PLA2G4A: variants seen among roughly 807,000 people sequenced by gnomAD.
PLA2G4A encodes phospholipase A2 group IVA, also known as cytosolic phospholipase A2.
PLA2G4A carries 40 observed loss-of-function variants against 81.9 expected under a neutral mutation model. The observed-to-expected ratio is 0.49, with a 90% CI of 0.38 to 0.64. The LOEUF (loss-of-function observed/expected upper bound fraction) is 0.64. PLA2G4A is among the 30% of genes least tolerant of loss of function. PLA2G4A has a pLI of 0.00. For synonymous variants in PLA2G4A, 302 were observed against 296.9 expected, an observed-to-expected ratio of 1.02 and a Z score of -0.18; for missense variants, 715 against 905.1, an observed-to-expected ratio of 0.79 and a Z score of 2.69.
At chr1:186,876,928 T>A (rs1653523146) in intron 3 of PLA2G4A, among the ~76,000 whole-genome samples, 2 of 152,110 alleles carry the variant, frequency 1.3e-5, no homozygotes, top group African/African-American at 4.8e-5. Context: ...ACCTGCTTAA[T>A]CCTCTTCAGA....
chr1:186,961,282 A>G (rs564466572), intron 14 of PLA2G4A, among the ~76,000 whole-genome samples: 3 of 152,288 alleles, frequency 2.0e-5, no homozygotes, highest in Non-Finnish European at 4.4e-5. Flanking sequence ...ATTGCACAGC[A>G]TGGTGCCTGC....
intron 14 of PLA2G4A, among the ~76,000 whole-genome samples, chr1:186,957,002 A>C (rs1470629204): frequency 6.6e-6 from 1 of 152,000 alleles, no homozygotes; most frequent in East Asian, 1.9e-4. Flanking sequence ...CAGCCTGGAC[A>C]ACATGGTGAA....
intron 3 of PLA2G4A, among the ~76,000 whole-genome samples, chr1:186,874,049 G>T (rs1006838046): frequency 3.9e-5 from 6 of 152,020 alleles, no homozygotes; most frequent in African/African-American, 1.4e-4. Context: ...GCACTAATTT[G>T]GCAATATTAA....
At chr1:186,925,136 C>G (rs1655503243) in intron 7 of PLA2G4A, among the ~76,000 whole-genome samples, 1 of 152,148 alleles carries the variant, frequency 6.6e-6, no homozygotes, top group East Asian at 1.9e-4. Context: ...GTATCAACAA[C>G]TTAGAACCTC....
chr1:186,946,950 A>G lies in PLA2G4A; in HGVS notation c.1253A>G (p.Glu418Gly). ...SGSQSRGSTM[E>G]EELENITTKH... The stretch of plus-strand genomic sequence containing the variant: ...TCACAAAGCAGAGGCTCCACAATGG[A>G]GGAAGAATTAGGTATCCTAAAGATA... Residue 418 changes from glutamate (E) to glycine (G), a missense_variant, in exon 12 of 18, where the codon GAG (glutamate) becomes GGG (glycine). Transcript: ENST00000367466. 6.4e-7 allele frequency: 1 copy of G among 1,574,416 alleles called. No individual in the cohort carries two copies. The highest frequency in any genetic ancestry group is 8.7e-7 in the Non-Finnish European group (1 of 1,143,920).
At chr1:186,874,104 A>G (rs1479465358) in intron 3 of PLA2G4A, among the ~76,000 whole-genome samples, 1 of 152,124 alleles carries the variant, frequency 6.6e-6, no homozygotes, top group Non-Finnish European at 1.5e-5. Context: ...TGTAGATGTG[A>G]TATGTAACAA....
intron 14 of PLA2G4A, among the ~76,000 whole-genome samples, chr1:186,960,437 C>T (rs1274437689): frequency 6.6e-6 from 1 of 152,156 alleles, no homozygotes; most frequent in Non-Finnish European, 1.5e-5. Flanking sequence ...TTAATTCATT[C>T]ACACGTTTAG....
chr1:186,988,665 T>C lies in PLA2G4A; in HGVS notation c.*157T>C, dbSNP rs1311694626. 3.2e-6 allele frequency: 2 copies of C among 625,314 alleles called. No individual in the cohort carries two copies. The highest frequency in any genetic ancestry group is 5.9e-6 in the Non-Finnish European group (2 of 341,260). 38.7% of individuals were successfully genotyped at this position (625,314 alleles called of 1,614,324 possible). ...ACTTAGCTGCATGAGAATAATACTA[T>C]TATAAGTTAGGTTGACAAATGATGT... On this transcript the variant is annotated 3_prime_UTR_variant, in exon 18 of 18. Transcript: ENST00000367466.
rs1233169150 is a variant in PLA2G4A, at chr1:186,939,086, T to C, written c.774T>C (p.Asn258=). 1.9e-6 allele frequency: 3 copies of C among 1,611,018 alleles called. No individual in the cohort carries two copies. Among genetic ancestry groups the C allele is most frequent in the Non-Finnish European group, 2.5e-6 (3 of 1,177,322 alleles). Residue 258 remains asparagine (N), a synonymous_variant, in exon 9 of 18, where the codon AAT becomes AAC. Coordinates refer to ENST00000367466, the MANE Select transcript of PLA2G4A (RefSeq NM_024420.3). ...PEEINEELMK[N]VSHNPLLLLT... ...AGATTAATGAAGAACTAATGAAAAA[T>C]GTTAGCCACAATCCCCTTTTACTTC...
At chr1:186,871,809 T>C (rs1336250422) in intron 3 of PLA2G4A, among the ~76,000 whole-genome samples, 1 of 152,130 alleles carries the variant, frequency 6.6e-6, no homozygotes. Flanking sequence ...TTTCAAAATG[T>C]TGTGACTGTA....
chr1:186,946,156 T>A (rs1286427586), intron 10 of PLA2G4A, among the ~76,000 whole-genome samples: 4 of 152,150 alleles, frequency 2.6e-5, no homozygotes, highest in Non-Finnish European at 5.9e-5. Context: ...TGTATTGCAA[T>A]CTTGTGGAGT....
chr1:186,833,751 A>G (rs371959645), intron 1 of PLA2G4A, among the ~76,000 whole-genome samples: 2 of 152,220 alleles, frequency 1.3e-5, no homozygotes, highest in Admixed American at 1.3e-4. Context: ...TATACAAAAA[A>G]TGAAATAAGC....
intron 17 of PLA2G4A, among the ~76,000 whole-genome samples, chr1:186,986,475 T>C (rs1232727381): frequency 2.6e-5 from 4 of 152,200 alleles, no homozygotes; most frequent in Non-Finnish European, 4.4e-5. Flanking sequence ...CAGGGAGATT[T>C]TTAAAAGAAG....
chr1:186,891,823 G>T (rs1035614320), intron 3 of PLA2G4A, among the ~76,000 whole-genome samples: 7 of 152,132 alleles, frequency 4.6e-5, no homozygotes, highest in African/African-American at 1.7e-4. Flanking sequence ...TCAGCAGTGG[G>T]ATTGCTTGGT....
At chr1:186,856,391 T>C (rs957639314) in intron 2 of PLA2G4A, among the ~76,000 whole-genome samples, 1 of 150,430 alleles carries the variant, frequency 6.6e-6, no homozygotes, top group African/African-American at 2.5e-5. Context: ...AATTAGTTGT[T>C]GCTTTTTTTT....
intron 3 of PLA2G4A, among the ~76,000 whole-genome samples, chr1:186,873,856 T>G (rs1003237242): frequency 6.6e-6 from 1 of 152,040 alleles, no homozygotes; most frequent in African/African-American, 2.4e-5. Flanking sequence ...CAGCTGCCAG[T>G]TCCTTCCCAG....
intron 14 of PLA2G4A, among the ~76,000 whole-genome samples, chr1:186,960,121 C>T (rs920532718): frequency 2.0e-5 from 3 of 152,186 alleles, no homozygotes; most frequent in African/African-American, 7.2e-5. Context: ...TAAAATTCCA[C>T]TCATGTGTTT....
intron 3 of PLA2G4A, among the ~76,000 whole-genome samples, chr1:186,876,052 A>C (rs188807321): frequency 1.6e-3 from 236 of 152,220 alleles, no homozygotes; most frequent in African/African-American, 5.5e-3. Flanking sequence ...GTTCTGCCTT[A>C]TGGCCTTGAG....
At chr1:186,984,936 G>A (rs1657845970) in intron 17 of PLA2G4A, among the ~76,000 whole-genome samples, 1 of 152,164 alleles carries the variant, frequency 6.6e-6, no homozygotes. Flanking sequence ...TTAGGAAATG[G>A]AGTCATGGAT....
Sources: gnomAD v4.1 joint callset for allele counts (sites outside exome capture counted in the v4.1 genomes callset) on GRCh38, gnomAD v4.1.1 for gene constraint, MANE v1.5 for transcripts, NCBI Gene and HGNC (gene_info 2026-07-23, HGNC 2026-07-21) for gene names.